The following TCF12 variants were observed in gnomAD, a reference collection of about 807,000 sequenced individuals.
TCF12 encodes the protein DNA-binding protein HTF4.
A neutral mutation model predicts 86.0 loss-of-function variants in TCF12; 45 were observed. That is an observed-to-expected ratio of 0.52 (90% CI 0.41 to 0.67). The LOEUF (loss-of-function observed/expected upper bound fraction) is 0.67. Ranked by LOEUF, TCF12 falls within the 30% of genes least tolerant of loss-of-function variation. The pLI, the probability that TCF12 is intolerant of heterozygous loss-of-function variation, is 0.00. For synonymous variants in TCF12, 330 were observed against 299.6 expected (o/e 1.10, Z -1.05); for missense variants, 881 against 859.9 (o/e 1.02, Z -0.31).
chr15:57,236,040 T>C (rs1258874153), intron 12 of TCF12, among the ~76,000 whole-genome samples: 1 of 152,194 alleles, frequency 6.6e-6, no homozygotes, highest in African/African-American at 2.4e-5. Flanking sequence ...GGGTGGGCTT[T>C]GGTTGTCATG....
At chr15:56,921,127 A>G (rs745498700) in intron 3 of TCF12, 29 bp downstream of exon 3, 2 of 1,554,440 alleles carry the variant, frequency 1.3e-6, no homozygotes, top group East Asian at 2.3e-5. Flanking sequence ...CTAAAGACTC[A>G]TATTTTGGTG....
chr15:56,996,113 C>T (rs1421109833), intron 3 of TCF12, among the ~76,000 whole-genome samples: 1 of 152,090 alleles, frequency 6.6e-6, no homozygotes, highest in Non-Finnish European at 1.5e-5. Flanking sequence ...GTTGAACCAG[C>T]CTTGCATCCC....
intron 6 of TCF12, among the ~76,000 whole-genome samples, chr15:57,171,896 C>CTAA (rs1230223097): frequency 3.9e-5 from 6 of 152,208 alleles, no homozygotes; most frequent in African/African-American, 1.4e-4. Flanking sequence ...TCATTTATAC[C>CTAA]TCTTAAGCAA....
At chr15:57,024,567 A>G (rs2065705370) in intron 3 of TCF12, among the ~76,000 whole-genome samples, 1 of 152,222 alleles carries the variant, frequency 6.6e-6, no homozygotes, top group Admixed American at 6.5e-5. Flanking sequence ...AAGATACAAG[A>G]GAGTAACATA....
chr15:57,241,096 T>A (rs1185877352), intron 12 of TCF12, among the ~76,000 whole-genome samples: 1 of 148,806 alleles, frequency 6.7e-6, no homozygotes, highest in South Asian at 2.1e-4. Flanking sequence ...ACCAATAATA[T>A]TGATTTTTTT....
At chr15:57,111,703 G>T (rs1377714619) in intron 5 of TCF12, among the ~76,000 whole-genome samples, 1 of 150,492 alleles carries the variant, frequency 6.6e-6, no homozygotes, top group Non-Finnish European at 1.5e-5. Context: ...GTGATCCTTC[G>T]GGCTCAGCCC....
At chr15:57,068,469 T>G (rs2069092522) in intron 4 of TCF12, among the ~76,000 whole-genome samples, 1 of 152,232 alleles carries the variant, frequency 6.6e-6, no homozygotes, top group Admixed American at 6.5e-5. Context: ...TTATTTTAAA[T>G]GTATGAAGGA....
At chr15:57,204,695 T>C (rs1275703665) in intron 8 of TCF12, among the ~76,000 whole-genome samples, 2 of 151,942 alleles carry the variant, frequency 1.3e-5, no homozygotes, top group South Asian at 2.1e-4. Flanking sequence ...CTGCTATACA[T>C]ACTAAGTAGA....
intron 3 of TCF12, among the ~76,000 whole-genome samples, chr15:57,024,669 G>T (rs982078327): frequency 6.6e-6 from 1 of 152,192 alleles, no homozygotes; most frequent in Admixed American, 6.5e-5. Context: ...GTACTGCAAA[G>T]AAAATACCCA....
chr15:57,133,219 A>G (rs2052272917), intron 5 of TCF12, among the ~76,000 whole-genome samples: 1 of 152,274 alleles, frequency 6.6e-6, no homozygotes, highest in African/African-American at 2.4e-5. Flanking sequence ...GAGCCTGAAC[A>G]GAATAGCCAT....
rs532051741 is a variant in TCF12 at position 56,960,406 on chromosome 15, G to A, written c.148+39308G>A. Among the ~76,000 whole-genome samples, 10 of 149,406 alleles carry A rather than the reference G, an allele frequency of 6.7e-5. No individual in the cohort carries two copies. In the South Asian group the frequency reaches 1.5e-3, roughly 22 times the overall value. ...TGATGTTATGTCCAAAAGTGCTTTT[G>A]TTGACCCAAGGCTACTGTATTGTAT... is the stretch of plus-strand genomic sequence containing the variant. On this transcript the variant is annotated intron_variant, in intron 3 of 20. Transcript: ENST00000333725.
At chr15:57,132,526 C>G (rs1188494353) in intron 5 of TCF12, among the ~76,000 whole-genome samples, 5 of 152,146 alleles carry the variant, frequency 3.3e-5, no homozygotes, top group African/African-American at 4.8e-5. Flanking sequence ...CACATGATTT[C>G]TGGCTCTGAT....
intron 3 of TCF12, among the ~76,000 whole-genome samples, chr15:57,029,668 A>C (rs752451762): frequency 6.6e-6 from 1 of 152,170 alleles, no homozygotes; most frequent in Non-Finnish European, 1.5e-5. Flanking sequence ...TGTGTAACGC[A>C]TACCACGGTC....
At chr15:57,023,483 G>A (rs1741206984) in intron 3 of TCF12, among the ~76,000 whole-genome samples, 1 of 152,010 alleles carries the variant, frequency 6.6e-6, no homozygotes, top group Admixed American at 6.6e-5. Flanking sequence ...TTATATTCTA[G>A]TTTACTTTCA....
In TCF12 at chr15:57,077,381, ATT is replaced by A. The variant is rs11461802; in HGVS notation, c.222+13570_222+13571del. 7.1e-3 allele frequency among the ~76,000 whole-genome samples: 771 copies of A among 108,436 alleles called. 22 individuals carry two copies. The highest frequency in any genetic ancestry group is 0.03 in the African/African-American group (731 of 24,420). The allele number at this position is 108,436 out of a possible 152,430, so 71.1% of individuals were successfully genotyped here. A position where few individuals can be genotyped will look rare whatever the true frequency, so the allele number is the denominator to read the frequency against. On this transcript the variant is annotated intron_variant, in intron 4 of 20. Coordinates refer to ENST00000333725, the MANE Select transcript of TCF12 (RefSeq NM_207037.2). ...TGTGTGTGTGTGTGTGTGTATATAT[ATT>A]TTTTTTTTTTTGGCAAGGCTTTGCT...
At chr15:56,977,548 T>C (rs2062672907) in intron 3 of TCF12, among the ~76,000 whole-genome samples, 1 of 149,148 alleles carries the variant, frequency 6.7e-6, no homozygotes, top group African/African-American at 2.5e-5. Context: ...CGATATTCTG[T>C]GTGTGTGTGT....
Position 57,288,738 on chromosome 15 carries a change from A to T in TCF12, c.*2593A>T, listed in dbSNP as rs529282439. 1 of 152,190 alleles carries T rather than the reference A, an allele frequency of 6.6e-6. No individual in the cohort carries two copies. The highest frequency in any genetic ancestry group is 6.5e-5 in the Admixed American group (1 of 15,270). The allele number at this position is 152,190 out of a possible 1,614,324, so 9.4% of individuals were successfully genotyped here. A position where few individuals can be genotyped will look rare whatever the true frequency, so the allele number is the denominator to read the frequency against. On this transcript the variant is annotated 3_prime_UTR_variant, in exon 21 of 21. Transcript: ENST00000333725. Reference sequence around the variant, plus strand: ...TTTTCTCCTCTTGCCCTCACTACTGACGGTGGCCTTTTAACCTTTTCCTAA... The same window carrying T: ...TTTTCTCCTCTTGCCCTCACTACTGTCGGTGGCCTTTTAACCTTTTCCTAA...
At chr15:57,250,867 G>T (rs1403614146) in intron 13 of TCF12, among the ~76,000 whole-genome samples, 1 of 141,964 alleles carries the variant, frequency 7.0e-6, no homozygotes, top group Non-Finnish European at 1.6e-5. Flanking sequence ...CTGCGCTCCA[G>T]CCTGGGCGAC....
chr15:57,282,293 A>G (rs971190645), intron 19 of TCF12, 152 bp from the exon 20 acceptor site: 2 of 840,710 alleles, frequency 2.4e-6, no homozygotes, highest in African/African-American at 1.7e-5. Context: ...GCTCAGTTCA[A>G]TGCTGAGGTT....
Sources: allele counts gnomAD v4.1 joint callset (sites outside exome capture counted in the v4.1 genomes callset), GRCh38; gene constraint gnomAD v4.1.1; transcripts MANE v1.5; gene names NCBI Gene and HGNC (gene_info 2026-07-23, HGNC 2026-07-21).